UBAP2L: variants seen among roughly 807,000 people sequenced by gnomAD.
UBAP2L encodes ubiquitin-associated protein 2-like.
UBAP2L carries 12 observed loss-of-function variants against 130.6 expected under a neutral mutation model. The observed-to-expected ratio is 0.09, with a 90% CI of 0.06 to 0.15. The LOEUF (loss-of-function observed/expected upper bound fraction) is 0.15. Among genes scored for constraint, UBAP2L ranks in the 10% least tolerant of loss-of-function variants. UBAP2L has a pLI of 1.00. For synonymous variants in UBAP2L, 503 were observed against 524.7 expected, an observed-to-expected ratio of 0.96 and a Z score of 0.57; for missense variants, 965 against 1,332.5, an observed-to-expected ratio of 0.72 and a Z score of 4.29.
chr1:154,224,982 C>G, intron 1 of UBAP2L, 102 bp from the exon 2 acceptor site: 1 of 663,688 alleles, frequency 1.5e-6, no homozygotes, highest in South Asian at 1.9e-5. Flanking sequence ...TTGATTTGTT[C>G]CTTTGAAGAA....
chr1:154,243,396 G>C, intron 10 of UBAP2L, 94 bp downstream of exon 10: 1 of 1,053,930 alleles, frequency 9.5e-7, no homozygotes, highest in African/African-American at 1.6e-5. Flanking sequence ...AACTCCCATG[G>C]TGTCAATAAT....
intron 1 of UBAP2L, 91 bp downstream of exon 1, chr1:154,221,066 C>T (rs1284015080): frequency 1.7e-5 from 3 of 181,058 alleles, no homozygotes; most frequent in African/African-American, 2.4e-5. Context: ...CCTTTAAATC[C>T]GCGATCCCCC....
intron 8 of UBAP2L, among the ~76,000 whole-genome samples, chr1:154,239,761 AT>A (rs758217405): frequency 2.0e-4 from 30 of 152,264 alleles, no homozygotes; most frequent in Non-Finnish European, 3.7e-4. Flanking sequence ...AGGATTGTGT[AT>A]AAGTGCTAAT....
chr1:154,256,455 A>G (rs1679689124), intron 18 of UBAP2L, among the ~76,000 whole-genome samples: 2 of 152,252 alleles, frequency 1.3e-5, no homozygotes, highest in Non-Finnish European at 2.9e-5. Flanking sequence ...TGAGCAATAT[A>G]GTGAGACCTC....
In UBAP2L at chr1:154,222,785, C is replaced by T. The variant is rs528122701; in HGVS notation, c.-41+1810C>T. Among the ~76,000 whole-genome samples, 9 of 152,282 alleles carry T rather than the reference C, an allele frequency of 5.9e-5. No individual in the cohort carries two copies. In the East Asian group the frequency reaches 1.7e-3, roughly 29 times the overall value. ...TTGTATTTTCCTGAAGTATTGGACA[C>T]ATAGTAGATTCTCAATAAATATTTG... On this transcript the variant is annotated intron_variant, in intron 1 of 26. Transcript: ENST00000428931.
chr1:154,270,230 T>C lies in UBAP2L; in HGVS notation c.3199T>C (p.Ser1067Pro), dbSNP rs1684456711. The C allele has an allele frequency of 5.0e-6, 8 of 1,612,642 alleles. No individual in the cohort carries two copies. The highest frequency in any genetic ancestry group is 6.8e-6 in the Non-Finnish European group (8 of 1,179,294). ...CAGCGGGCAACGTAGCCAGACCAGC[T>C]CCATCCCGCAGAAGCCCCAGACCAA... ...TGSGQRSQTS[S>P]IPQKPQTNKS... The change falls in exon 27 of 27, where the codon TCC becomes CCC. Residue 1067 changes from serine (S) to proline (P), a missense_variant. This residue lies in a region of UBAP2L where 194 missense variants were observed against 334.0 expected (regional missense o/e 0.58). Coordinates refer to ENST00000428931, the MANE Select transcript of UBAP2L (RefSeq NM_014847.4).
Position 154,266,544 on chromosome 1 carries a change from G to A in UBAP2L, c.2946G>A (p.Ser982=), listed in dbSNP as rs377262072. Residue 982 remains serine, a synonymous_variant, in exon 25 of 27, where the codon TCG becomes TCA. Transcript: ENST00000428931. The stretch of plus-strand genomic sequence containing the variant: ...GTAACACGGGCGTGCCAGATATCTC[G>A]GGTTCTGTGTACTCCAAAACCCAGG... ...TSSNTGVPDI[S]GSVYSKTQQS... 7 of 1,614,108 alleles carry A rather than the reference G, an allele frequency of 4.3e-6. No individual in the cohort carries two copies. The highest frequency in any genetic ancestry group is 1.7e-5 in the Admixed American group (1 of 59,996).
rs774339906 is a variant in UBAP2L at position 154,251,461 on chromosome 1, C to T, written c.1492-20C>T. The T allele has an allele frequency of 5.0e-6, 8 of 1,609,440 alleles. No homozygotes were observed. Among genetic ancestry groups the T allele is most frequent in the South Asian group, 2.2e-5 (2 of 90,402 alleles). ...GGTTGTATTAAAGCCATTACTTTCTCTTCTCCTTCAACTTTATAGATTCCT... is the reference window on the plus strand; with the variant it reads ...GGTTGTATTAAAGCCATTACTTTCTTTTCTCCTTCAACTTTATAGATTCCT... On this transcript the variant is annotated intron_variant, in intron 13 of 26. Transcript: ENST00000428931.
At position 154,267,880 on chromosome 1, in the gene UBAP2L, C is replaced by CTTTTTTTTTTTTTTTTTT; in HGVS notation, c.2971-868_2971-851dup. Among the ~76,000 whole-genome samples the CTTTTTTTTTTTTTTTTTT allele has an allele frequency of 3.9e-3, 205 of 52,082 alleles. 45 individuals carry two copies. Among genetic ancestry groups the CTTTTTTTTTTTTTTTTTT allele is most frequent in the Non-Finnish European group, 5.5e-3 (152 of 27,626 alleles). The allele number at this position is 52,082 out of a possible 152,430, so 34.2% of individuals were successfully genotyped here. A position where few individuals can be genotyped will look rare whatever the true frequency, so the allele number is the denominator to read the frequency against. Reference sequence around the variant, plus strand: ...TCCACATTCCATCCTCTTATTTGGTCTTTTTTTTTTTTTTTTTTTTTTTTT... The same window carrying CTTTTTTTTTTTTTTTTTT: ...TCCACATTCCATCCTCTTATTTGGTCTTTTTTTTTTTTTTTTTTTTTTTTTTTTTTTTTTTTTTTTTTT... On this transcript the variant is annotated intron_variant, in intron 25 of 26. Transcript: ENST00000428931.
chr1:154,250,847 C>CAA (rs1023678670), intron 12 of UBAP2L, among the ~76,000 whole-genome samples, 194 bp from the exon 13 acceptor site: 20 of 48,890 alleles, frequency 4.1e-4, no homozygotes, highest in African/African-American at 8.4e-4. Flanking sequence ...ACTCCCATCT[C>CAA]AAAAAAAAAA....
chr1:154,259,085 G>A, intron 21 of UBAP2L, 55 bp downstream of exon 21: 1 of 1,487,846 alleles, frequency 6.7e-7, no homozygotes, highest in Non-Finnish European at 9.4e-7. Flanking sequence ...ATTAGTGTTG[G>A]GAGAATTATC....
intron 11 of UBAP2L, 99 bp from the exon 12 acceptor site, chr1:154,249,140 C>A: frequency 1.8e-6 from 2 of 1,141,064 alleles, no homozygotes; most frequent in Non-Finnish European, 2.6e-6. Context: ...TCTTTACTTG[C>A]CTGATCTATA....
chr1:154,258,465 A>G (rs1680416154), intron 20 of UBAP2L, among the ~76,000 whole-genome samples: 1 of 152,214 alleles, frequency 6.6e-6, no homozygotes, highest in Non-Finnish European at 1.5e-5. Context: ...TGAAGGATAT[A>G]TGGAAACGTT....
chr1:154,222,974 TAAGA>T (rs2148415446), intron 1 of UBAP2L, among the ~76,000 whole-genome samples: 1 of 152,348 alleles, frequency 6.6e-6, no homozygotes, highest in South Asian at 2.1e-4. Flanking sequence ...TTTTATTTTC[TAAGA>T]AAGAGCAAGT....
At chr1:154,244,191 T>C (rs1255112411) in intron 10 of UBAP2L, among the ~76,000 whole-genome samples, 1 of 152,206 alleles carries the variant, frequency 6.6e-6, no homozygotes, top group African/African-American at 2.4e-5. Context: ...AATTCAGTTC[T>C]GACGTTAACT....
At chr1:154,220,695 G>T, upstream of UBAP2L, 1 of 464,960 alleles carries the variant, frequency 2.2e-6, no homozygotes. Context: ...AGGAAGCGGC[G>T]GCCATCCGTG....
chr1:154,267,915 G>A (rs1237982131), intron 25 of UBAP2L, among the ~76,000 whole-genome samples: 1 of 50,196 alleles, frequency 2.0e-5, no homozygotes, highest in African/African-American at 8.4e-5. Flanking sequence ...TTGAGACGGA[G>A]TTTCATTCTT....
chr1:154,244,502 A>G (rs1477201523), intron 10 of UBAP2L, among the ~76,000 whole-genome samples: 1 of 151,892 alleles, frequency 6.6e-6, no homozygotes, highest in Non-Finnish European at 1.5e-5. Context: ...CCTCCCTAGT[A>G]TCTGGGATTA....
chr1:154,255,473 C>G, intron 17 of UBAP2L, 147 bp downstream of exon 17: 1 of 1,220,012 alleles, frequency 8.2e-7, no homozygotes, highest in East Asian at 2.4e-5. Context: ...GAAGTGAAGA[C>G]AGAGGAGGCT....
Sources: gnomAD v4.1 joint callset for allele counts (sites outside exome capture counted in the v4.1 genomes callset) on GRCh38, gnomAD v4.1.1 for gene constraint, gnomAD v4.1.1 regional missense constraint, MANE v1.5 for transcripts, NCBI Gene and HGNC (gene_info 2026-07-23, HGNC 2026-07-21) for gene names.